Variants in DSE observed in about 807,000 individuals in gnomAD.
DSE encodes dermatan sulfate epimerase, also known as dermatan-sulfate epimerase.
A neutral mutation model predicts 84.4 loss-of-function variants in DSE; 36 were observed. That is an observed-to-expected ratio of 0.43 (90% CI 0.33 to 0.56). The LOEUF is 0.56. Among genes scored for constraint, DSE ranks in the 20% least tolerant of loss-of-function variants. DSE has a pLI of 0.06. For synonymous variants in DSE, 410 were observed against 430.1 expected, an observed-to-expected ratio of 0.95 and a Z score of 0.58; for missense variants, 862 against 1,169.6, an observed-to-expected ratio of 0.74 and a Z score of 3.84.
intron 1 of DSE, among the ~76,000 whole-genome samples, chr6:116,381,789 C>CT (rs1158477706): frequency 1.3e-5 from 2 of 152,144 alleles, no homozygotes; most frequent in Non-Finnish European, 2.9e-5. Context: ...AGCTAGGACT[C>CT]TATTAGTTAT....
chr6:116,256,264 G>A (rs1008656502), intron 1 of DSE: 3 of 152,128 alleles, frequency 2.0e-5, no homozygotes, highest in African/African-American at 7.2e-5. Flanking sequence ...CAGGGATTTT[G>A]TCATTATGGA....
intron 4 of DSE, chr6:116,433,037 TATA>T: frequency 3.0e-6 from 1 of 329,340 alleles, no homozygotes; most frequent in Non-Finnish European, 5.8e-6. Flanking sequence ...TATATGCAAA[TATA>T]ATCACGTATA....
intron 3 of DSE, among the ~76,000 whole-genome samples, chr6:116,430,361 A>T (rs1473624563): frequency 6.6e-6 from 1 of 152,214 alleles, no homozygotes; most frequent in African/African-American, 2.4e-5. Flanking sequence ...AAAGAGATAA[A>T]CTTTTAAAAA....
At chr6:116,306,485 A>G (rs4286814) in intron 2 of DSE, among the ~76,000 whole-genome samples, 10,599 of 152,034 alleles carry the variant, frequency 0.07, 785 homozygotes, top group African/African-American at 0.18. Flanking sequence ...TCCTTACTCT[A>G]TATATGCTGA....
intron 2 of DSE, chr6:116,279,133 T>G: frequency 6.2e-7 from 1 of 1,614,062 alleles, no homozygotes; most frequent in Non-Finnish European, 8.5e-7. Flanking sequence ...CTGGATGGCC[T>G]CCAGAGGGTC....
At chr6:116,257,333 A>AC (rs1259343581) in intron 1 of DSE, 3 of 152,256 alleles carry the variant, frequency 2.0e-5, no homozygotes, top group African/African-American at 7.2e-5. Context: ...CACAATCTGA[A>AC]CGAGGTAATC....
chr6:116,325,289 G>T (rs1174861993), intron 2 of DSE, among the ~76,000 whole-genome samples: 2 of 152,212 alleles, frequency 1.3e-5, no homozygotes, highest in East Asian at 1.9e-4. Flanking sequence ...CATGTCTGGG[G>T]TGAAACCATG....
intron 2 of DSE, among the ~76,000 whole-genome samples, chr6:116,312,899 C>A (rs994530676): frequency 6.6e-6 from 1 of 151,964 alleles, no homozygotes; most frequent in Non-Finnish European, 1.5e-5. Flanking sequence ...GTGATAACTA[C>A]CATGCAGAAA....
chr6:116,277,908 CAAAAAAAAA>C (rs57691187), intron 2 of DSE: 4 of 57,336 alleles, frequency 7.0e-5, no homozygotes, highest in Admixed American at 2.0e-4. Flanking sequence ...TCCTCCGTCT[CAAAAAAAAA>C]AAAAAAAAAA....
At chr6:116,377,619 A>C (rs1025121259) in intron 1 of DSE, among the ~76,000 whole-genome samples, 1 of 152,194 alleles carries the variant, frequency 6.6e-6, no homozygotes, top group Non-Finnish European at 1.5e-5. Context: ...AGAATTTTTC[A>C]GTTTTAGAAA....
chr6:116,349,421 G>C (rs1007262535), intron 2 of DSE, among the ~76,000 whole-genome samples: 2 of 152,192 alleles, frequency 1.3e-5, no homozygotes, highest in Non-Finnish European at 2.9e-5. Flanking sequence ...AGCTTTTACT[G>C]ACCACTGGAC....
chr6:116,390,934 T>C (rs1780862568), intron 1 of DSE, among the ~76,000 whole-genome samples: 1 of 152,160 alleles, frequency 6.6e-6, no homozygotes, highest in South Asian at 2.1e-4. Context: ...TGGTTTGTAG[T>C]TTAGTAGTAA....
intron 1 of DSE, among the ~76,000 whole-genome samples, chr6:116,374,747 C>T (rs1779817837): frequency 6.6e-6 from 1 of 152,134 alleles, no homozygotes. Context: ...TCAGGTTTCT[C>T]TTCCTGTGAA....
chr6:116,396,601 A>G (rs1156804137), intron 1 of DSE, among the ~76,000 whole-genome samples: 2 of 152,222 alleles, frequency 1.3e-5, no homozygotes, highest in Non-Finnish European at 2.9e-5. Context: ...ACCTTCAATA[A>G]CAGTTGGCAT....
At chr6:116,293,265 C>CTTTTCTTT (rs1774410813) in intron 2 of DSE, among the ~76,000 whole-genome samples, 3 of 143,716 alleles carry the variant, frequency 2.1e-5, no homozygotes, top group African/African-American at 7.7e-5. Context: ...AAGGTTTTTC[C>CTTTTCTTT]TTTTCTTTTT....
intron 1 of DSE, among the ~76,000 whole-genome samples, chr6:116,390,516 T>C (rs1780834301): frequency 6.6e-6 from 1 of 152,216 alleles, no homozygotes; most frequent in Admixed American, 6.5e-5. Flanking sequence ...AATTACTACT[T>C]TTTAAGTGAT....
chr6:116,315,097 G>A (rs1303595025), intron 2 of DSE, among the ~76,000 whole-genome samples: 2 of 152,134 alleles, frequency 1.3e-5, no homozygotes, highest in Admixed American at 6.6e-5. Context: ...TAACTCTTAG[G>A]GTTGCTTGGG....
rs773039883 is a variant in DSE at position 116,318,960 on chromosome 6, C to T, written c.-54+59993C>T. ...AAAATAGAGGACAGAATGCCCAAAA[C>T]GCTCTTTTTCTGTTTAGGATGAAAC... On this transcript the variant is annotated intron_variant, in intron 2 of 3. Transcript: ENST00000430252. Among the ~76,000 whole-genome samples the T allele has an allele frequency of 5.9e-5, 9 of 152,102 alleles. No individual in the cohort carries two copies. The East Asian group carries it at 7.7e-4, about 13-fold the overall frequency.
At chr6:116,281,235 C>G (rs1773510147) in intron 2 of DSE, among the ~76,000 whole-genome samples, 1 of 151,994 alleles carries the variant, frequency 6.6e-6, no homozygotes, top group South Asian at 2.1e-4. Flanking sequence ...GAGCCAGGAT[C>G]GTAGGAATAA....
Sources: gnomAD v4.1 joint callset for allele counts (sites outside exome capture counted in the v4.1 genomes callset) on GRCh38, gnomAD v4.1.1 for gene constraint, MANE v1.5 for transcripts, NCBI Gene and HGNC (gene_info 2026-07-23, HGNC 2026-07-21) for gene names.